Variants in TSPAN9 observed in about 807,000 individuals in gnomAD.
TSPAN9 encodes tetraspanin 9.
A neutral mutation model predicts 31.0 loss-of-function variants in TSPAN9; 16 were observed. That is an observed-to-expected ratio of 0.52 (90% CI 0.35 to 0.78). TSPAN9 has a LOEUF of 0.78. TSPAN9 is among the 30% of genes least tolerant of loss of function. TSPAN9 has a pLI of 0.01. For synonymous variants in TSPAN9, 145 were observed against 121.6 expected, an observed-to-expected ratio of 1.19 and a Z score of -1.27; for missense variants, 272 against 312.5, an observed-to-expected ratio of 0.87 and a Z score of 0.98.
intron 2 of TSPAN9, among the ~76,000 whole-genome samples, chr12:3,196,031 CT>C (rs926436466): frequency 6.6e-6 from 1 of 152,172 alleles, no homozygotes; most frequent in Non-Finnish European, 1.5e-5. Flanking sequence ...ATCTGAGCTC[CT>C]TGAGGCCCAC....
At chr12:3,082,296 G>A (rs1398377036) in intron 1 of TSPAN9, among the ~76,000 whole-genome samples, 2 of 152,256 alleles carry the variant, frequency 1.3e-5, no homozygotes, top group Non-Finnish European at 2.9e-5. Flanking sequence ...CACTGAGAAA[G>A]TTGAATGGTG....
chr12:3,102,551 C>T (rs2098312344), intron 2 of TSPAN9, among the ~76,000 whole-genome samples: 1 of 151,646 alleles, frequency 6.6e-6, no homozygotes, highest in African/African-American at 2.4e-5. Flanking sequence ...CATTCTCCTG[C>T]CTCAGCCTCC....
chr12:3,215,131 T>C (rs1313432982), intron 3 of TSPAN9: 1 of 152,248 alleles, frequency 6.6e-6, no homozygotes, highest in East Asian at 1.9e-4. Context: ...CAGGGATGCT[T>C]TACCTTGTGT....
intron 3 of TSPAN9, among the ~76,000 whole-genome samples, chr12:3,213,498 G>C (rs1479782193): frequency 1.3e-5 from 2 of 152,166 alleles, no homozygotes; most frequent in African/African-American, 2.4e-5. Context: ...AGGCCTGGTT[G>C]GGGAGGAGGT....
chr12:3,178,877 G>T (rs2098357326), intron 2 of TSPAN9, among the ~76,000 whole-genome samples: 1 of 152,200 alleles, frequency 6.6e-6, no homozygotes, highest in South Asian at 2.1e-4. Flanking sequence ...CTGCTGTGGG[G>T]GATCTGATGG....
intron 3 of TSPAN9, among the ~76,000 whole-genome samples, chr12:3,232,201 G>A (rs1425831447): frequency 2.6e-5 from 4 of 152,072 alleles, no homozygotes; most frequent in East Asian, 1.9e-4. Context: ...CTCCTATATG[G>A]TAAATCCTGA....
Position 3,275,976 on chromosome 12 carries a change from C to T in TSPAN9, c.64-2445C>T, listed in dbSNP as rs147617152. Among the ~76,000 whole-genome samples the T allele has an allele frequency of 1.2e-4, 18 of 152,352 alleles. No individual in the cohort carries two copies. In the East Asian group the frequency reaches 3.1e-3, roughly 26 times the overall value. On this transcript the variant is annotated intron_variant, in intron 3 of 8. Coordinates refer to ENST00000011898, the MANE Select transcript of TSPAN9 (RefSeq NM_006675.5). Reference sequence around the variant, plus strand: ...AGCCCAGCAAGGCCTGTCAATGCCACCTTCAAAACATCTCAAATTGGACCA... The same window carrying T: ...AGCCCAGCAAGGCCTGTCAATGCCATCTTCAAAACATCTCAAATTGGACCA...
At chr12:3,102,355 T>C (rs1481709230) in intron 2 of TSPAN9, among the ~76,000 whole-genome samples, 9 of 151,966 alleles carry the variant, frequency 5.9e-5, no homozygotes, top group Non-Finnish European at 1.0e-4. Flanking sequence ...CTCGAACTCC[T>C]GGCCTGAAGT....
At chr12:3,096,778 C>T (rs1157292905) in intron 2 of TSPAN9, among the ~76,000 whole-genome samples, 2 of 151,844 alleles carry the variant, frequency 1.3e-5, no homozygotes, top group Non-Finnish European at 2.9e-5. Flanking sequence ...CTGCAAGCTC[C>T]GCCTCCCGGG....
chr12:3,140,233 T>C (rs1224682048), intron 2 of TSPAN9, among the ~76,000 whole-genome samples: 1 of 152,128 alleles, frequency 6.6e-6, no homozygotes, highest in African/African-American at 2.4e-5. Flanking sequence ...CCCTGACATT[T>C]TATGTTGTTT....
intron 3 of TSPAN9, chr12:3,272,883 G>T (rs990553835): frequency 6.6e-6 from 1 of 152,398 alleles, no homozygotes; most frequent in African/African-American, 2.4e-5. Context: ...AGTCAGCATG[G>T]TTCAAACTGA....
intron 3 of TSPAN9, among the ~76,000 whole-genome samples, chr12:3,269,013 T>C (rs369663985): frequency 3.1e-3 from 204 of 65,848 alleles, no homozygotes; most frequent in Middle Eastern, 0.012. Flanking sequence ...GCCTGCCCTC[T>C]CTGTGTTCCT....
chr12:3,239,794 G>A (rs1202850224), intron 3 of TSPAN9, among the ~76,000 whole-genome samples: 1 of 152,090 alleles, frequency 6.6e-6, no homozygotes, highest in Non-Finnish European at 1.5e-5. Context: ...GATGGGGAAG[G>A]GTGGAAAAGG....
Position 3,194,933 on chromosome 12 carries a change from G to C in TSPAN9, c.-17-6244G>C, listed in dbSNP as rs567179351. ...GGCACGGTTGCTAAATGGTTTGCTC[G>C]GCAACGAAAGCATTTTCTGTACTGT... On this transcript the variant is annotated intron_variant, in intron 2 of 8. Transcript: ENST00000011898. Among the ~76,000 whole-genome samples the C allele has an allele frequency of 2.6e-5, 4 of 152,274 alleles. No individual in the cohort carries two copies. The South Asian group carries it at 8.3e-4, about 32-fold the overall frequency.
chr12:3,266,987 C>T lies in TSPAN9; in HGVS notation c.64-11434C>T, dbSNP rs574983927. Among the ~76,000 whole-genome samples, 71 of 152,228 alleles carry T rather than the reference C, an allele frequency of 4.7e-4. No homozygotes were observed. The South Asian group carries it at 0.014, about 31-fold the overall frequency. ...TATGGTGTTACTTGCTGAGCTAGAG[C>T]CATGGAAGATCACCCTCATTACATT... On this transcript the variant is annotated intron_variant, in intron 3 of 8. Coordinates refer to ENST00000011898, the MANE Select transcript of TSPAN9 (RefSeq NM_006675.5).
chr12:3,214,412 A>G (rs530570029), intron 3 of TSPAN9, among the ~76,000 whole-genome samples: 14 of 152,152 alleles, frequency 9.2e-5, no homozygotes, highest in Non-Finnish European at 1.9e-4. Context: ...AGATTTTGCC[A>G]TTCCTGGAGC....
intron 2 of TSPAN9, among the ~76,000 whole-genome samples, chr12:3,121,760 C>T (rs1218562573): frequency 6.6e-6 from 1 of 152,128 alleles, no homozygotes; most frequent in East Asian, 1.9e-4. Flanking sequence ...ATCTGGCTCT[C>T]AGGCACCACC....
chr12:3,218,879 G>A (rs1018185153), intron 3 of TSPAN9, among the ~76,000 whole-genome samples: 18 of 152,056 alleles, frequency 1.2e-4, no homozygotes, highest in East Asian at 3.9e-4. Flanking sequence ...TTTACCCCCC[G>A]GCAATCCATC....
chr12:3,107,184 G>T lies in TSPAN9; in HGVS notation c.-18+23465G>T, dbSNP rs916360373. ...ACTTGAGCCGCCGGCGGCCCCCTCC[G>T]TGGGGAGTGGGGGAGGGAGGCTCTA... On this transcript the variant is annotated intron_variant, in intron 2 of 8. Coordinates refer to ENST00000011898, the MANE Select transcript of TSPAN9 (RefSeq NM_006675.5). This position sits in a 1 kb window ranked among gnomAD's most constrained non-coding sequence, Gnocchi z 4.1. 2.6e-5 allele frequency among the ~76,000 whole-genome samples: 4 copies of T among 152,242 alleles called. No homozygotes were observed. The highest frequency in any genetic ancestry group is 6.5e-5 in the Admixed American group (1 of 15,294).
Sources: allele counts gnomAD v4.1 joint callset (sites outside exome capture counted in the v4.1 genomes callset), GRCh38; gene constraint gnomAD v4.1.1; non-coding constraint Gnocchi (gnomAD v3.1); transcripts MANE v1.5; gene names NCBI Gene and HGNC (gene_info 2026-07-23, HGNC 2026-07-21).